The following ZNF625 variants were observed in gnomAD, a reference collection of about 807,000 sequenced individuals.
The protein encoded by ZNF625 is zinc finger protein 625.
In ZNF625, 8 loss-of-function variants were observed where a neutral mutation model predicts 11.1. The ratio of observed to expected loss-of-function variants is 0.72; its 90% CI spans 0.42 to 1.30. The LOEUF (loss-of-function observed/expected upper bound fraction) is 1.30. Among genes scored for constraint, ZNF625 ranks in the 50% most tolerant of loss-of-function variants. ZNF625 has a pLI of 0.01. For synonymous variants in ZNF625, 145 were observed against 153.4 expected (o/e 0.95, Z 0.41); for missense variants, 349 against 447.6 (o/e 0.78, Z 1.99).
chr19:12,146,271 T>C, intron 3 of ZNF625, 47 bp from the exon 4 acceptor site: 1 of 1,521,922 alleles, frequency 6.6e-7, no homozygotes, highest in Non-Finnish European at 9.0e-7. Context: ...TTATCACTGA[T>C]TTGATATTCA....
Position 12,145,118 on chromosome 19 carries a change from C to A in ZNF625, c.*179G>T, listed in dbSNP as rs1282647882. On this transcript the variant is annotated 3_prime_UTR_variant, in exon 4 of 4. Transcript: ENST00000439556. ...CTGTGTCCTAGGTATCTGAGTGAGG[C>A]CCCAGCTAAACTACTCCCAAAAATT... is the stretch of plus-strand genomic sequence containing the variant. The A allele has an allele frequency of 3.0e-6, 2 of 672,714 alleles. No homozygotes were observed. The highest frequency in any genetic ancestry group is 2.5e-5 in the East Asian group (1 of 39,814). The allele number at this position is 672,714 out of a possible 1,614,324, so 41.7% of individuals were successfully genotyped here.
In ZNF625 at chr19:12,145,675, A is replaced by G. The variant is rs1274314803; in HGVS notation, c.741T>C (p.Tyr247=). ...HERTHTGEKP[Y]ECSECGKAFH... ...ATGCTTTCCCACACTCACTGCATTC[A>G]TAAGGCTTCTCTCCAGTGTGAGTTC... The change falls in exon 4 of 4, where the codon TAT becomes TAC. Residue 247 remains tyrosine, a synonymous_variant. Coordinates refer to ENST00000439556, the MANE Select transcript of ZNF625 (RefSeq NM_145233.4). 2.5e-6 allele frequency: 4 copies of G among 1,614,194 alleles called. No individual in the cohort carries two copies. Among genetic ancestry groups the G allele is most frequent in the Admixed American group, 1.7e-5 (1 of 60,016 alleles).
rs1977024244 is a variant in ZNF625 at position 12,156,239 on chromosome 19, T to A, written c.3+317A>T. Among the ~76,000 whole-genome samples, 3 of 152,164 alleles carry A rather than the reference T, an allele frequency of 2.0e-5. No individual in the cohort carries two copies. The South Asian group carries it at 6.2e-4, about 32-fold the overall frequency. On this transcript the variant is annotated intron_variant, in intron 1 of 3. Coordinates refer to ENST00000439556, the MANE Select transcript of ZNF625 (RefSeq NM_145233.4). Reference sequence around the variant, plus strand: ...CACACCCGAGGCAGGATTGCCTCCATGACCCTCCCGTGGTCTCCGCACAAT... The same window carrying A: ...CACACCCGAGGCAGGATTGCCTCCAAGACCCTCCCGTGGTCTCCGCACAAT...
rs777375371 is a variant in ZNF625, at chr19:12,146,040, C to T, written c.376G>A (p.Glu126Lys). 3.5e-5 allele frequency: 56 copies of T among 1,614,164 alleles called. No homozygotes were observed. Among genetic ancestry groups the T allele is most frequent in the Non-Finnish European group, 4.6e-5 (54 of 1,180,038 alleles). Residue 126 changes from glutamate (E) to lysine (K), a missense_variant, in exon 4 of 4, where the codon GAG (glutamate) becomes AAG (lysine). Coordinates refer to ENST00000439556, the MANE Select transcript of ZNF625 (RefSeq NM_145233.4). ...GGCTTCTGTCCATATTCCTGATACT[C>T]ATATGGCTTGTGTCCAGTGTCAGCT... ...HRADTGHKPY[E>K]YQEYGQKPYK...
chr19:12,152,389 G>C (rs538289803), intron 1 of ZNF625, among the ~76,000 whole-genome samples: 2 of 152,004 alleles, frequency 1.3e-5, no homozygotes, highest in Non-Finnish European at 2.9e-5. Context: ...TATCATACCC[G>C]TGATGAAGTG....
intron 3 of ZNF625, 33 bp from the exon 4 acceptor site, chr19:12,146,257 TC>T: frequency 2.6e-6 from 4 of 1,563,716 alleles, no homozygotes; most frequent in Non-Finnish European, 3.5e-6. Context: ...CATAATGGGT[TC>T]CTTTATCACT....
chr19:12,146,123 C>A lies in ZNF625; in HGVS notation c.293G>T (p.Arg98Leu), dbSNP rs112669855. The A allele has an allele frequency of 6.2e-7, 1 of 1,613,966 alleles. No individual in the cohort carries two copies. The highest frequency in any genetic ancestry group is 8.5e-7 in the Non-Finnish European group (1 of 1,180,012). Residue 98 changes from arginine (R) to leucine (L), a missense_variant, in exon 4 of 4, where the codon CGA (arginine) becomes CTA (leucine). Coordinates refer to ENST00000439556, the MANE Select transcript of ZNF625 (RefSeq NM_145233.4). The part of the protein sequence containing the change: ...PDDMLKKKTP[R>L]VKSCGEVSVG... ...GCTGACTTCTCCACATGATTTTACT[C>A]GGGGAGTTTTCTTCTTCAGCATGTC...
In ZNF625 at chr19:12,147,735, G is replaced by T; in HGVS notation, c.71C>A (p.Ser24Tyr). 6.2e-7 allele frequency: 1 copy of T among 1,614,082 alleles called. No homozygotes were observed. The highest frequency in any genetic ancestry group is 8.5e-7 in the Non-Finnish European group (1 of 1,180,016). Residue 24 changes from serine to tyrosine, a missense_variant, in exon 2 of 4, where the codon TCC (serine) becomes TAC (tyrosine). Ser to Tyr is a moderately radical substitution (Grantham distance 144, BLOSUM62 -2). Coordinates refer to ENST00000439556, the MANE Select transcript of ZNF625 (RefSeq NM_145233.4). The stretch of plus-strand genomic sequence containing the variant: ...CACATCTCTGTAGAGATTCTTCTGG[G>T]AAGGATCCAGCAAAGCCCACTCCTC... The part of the protein sequence containing the change: ...TQEEWALLDP[S>Y]QKNLYRDVMQ...
At chr19:12,149,945 G>A (rs1438767847) in intron 1 of ZNF625, among the ~76,000 whole-genome samples, 1 of 152,078 alleles carries the variant, frequency 6.6e-6, no homozygotes, top group Non-Finnish European at 1.5e-5. Context: ...CTCCATGTTG[G>A]TCAGGCTAGT....
intron 1 of ZNF625, among the ~76,000 whole-genome samples, chr19:12,149,523 T>C (rs1485794159): frequency 1.3e-5 from 2 of 152,156 alleles, no homozygotes; most frequent in African/African-American, 4.8e-5. Context: ...TAAAGTTATG[T>C]AGAGTTGTCT....
At chr19:12,147,115 C>T (rs944695708) in intron 3 of ZNF625, among the ~76,000 whole-genome samples, 1 of 151,796 alleles carries the variant, frequency 6.6e-6, no homozygotes. Flanking sequence ...TACAGGTGCC[C>T]GCCATCACGC....
Position 12,155,461 on chromosome 19 carries a change from C to A in ZNF625, c.3+1095G>T, listed in dbSNP as rs149925456. ...GACACAACTTCACACTCTCAGCCAA[C>A]TGCCAACTACAGAATCCCTCAACCA... On this transcript the variant is annotated intron_variant, in intron 1 of 3. Coordinates refer to ENST00000439556, the MANE Select transcript of ZNF625 (RefSeq NM_145233.4). Among the ~76,000 whole-genome samples the A allele has an allele frequency of 2.6e-3, 389 of 152,308 alleles. 5 individuals carry two copies. Among genetic ancestry groups the A allele is most frequent in the South Asian group, 6.0e-3 (29 of 4,834 alleles).
At chr19:12,147,586 C>G in intron 2 of ZNF625, 90 bp downstream of exon 2, 1 of 1,592,288 alleles carries the variant, frequency 6.3e-7, no homozygotes, top group Non-Finnish European at 8.6e-7. Context: ...TCACTATTCC[C>G]TGTCCACACT....
chr19:12,147,296 G>A (rs369167451), intron 3 of ZNF625, 99 bp downstream of exon 3: 2 of 1,127,032 alleles, frequency 1.8e-6, no homozygotes, highest in South Asian at 1.4e-5. Flanking sequence ...AATAAATACA[G>A]TGGAACTTGG....
intron 1 of ZNF625, among the ~76,000 whole-genome samples, chr19:12,149,976 T>G (rs1420368124): frequency 5.3e-5 from 8 of 152,124 alleles, no homozygotes; most frequent in African/African-American, 1.9e-4. Flanking sequence ...TGACATCAGG[T>G]GATTTGCTCA....
chr19:12,152,089 A>T (rs1321295266), intron 1 of ZNF625, among the ~76,000 whole-genome samples: 1 of 152,172 alleles, frequency 6.6e-6, no homozygotes, highest in Non-Finnish European at 1.5e-5. Context: ...AAAAGTATAT[A>T]AATTTACACT....
In ZNF625 at chr19:12,156,642, G is replaced by C; in HGVS notation, c.-84C>G. The stretch of plus-strand genomic sequence containing the variant: ...CAGTGCGGGCGATGGAGCGACAGAA[G>C]CTATGGCGGAGGCACCTGGTCCCTC... On this transcript the variant is annotated 5_prime_UTR_variant, in exon 1 of 4. Transcript: ENST00000439556. 2 of 1,223,262 alleles carry C rather than the reference G, an allele frequency of 1.6e-6. No homozygotes were observed. Among genetic ancestry groups the C allele is most frequent in the Non-Finnish European group, 2.1e-6 (2 of 972,492 alleles). The allele number at this position is 1,223,262 out of a possible 1,614,324, so 75.8% of individuals were successfully genotyped here.
At position 12,147,675 on chromosome 19, in the gene ZNF625, C is replaced by T. The variant is rs2145609670; in HGVS notation, c.130+1G>A. ...GAGGAAAGTAATATTGTTACCCTTA[C>T]CTACAGAAGCCAGGTTCCTGAAGGT... is the stretch of plus-strand genomic sequence containing the variant. On this transcript the variant is annotated splice_donor_variant, in intron 2 of 3. Coordinates refer to ENST00000439556, the MANE Select transcript of ZNF625 (RefSeq NM_145233.4). LOFTEE classifies it high-confidence loss of function. 6.2e-7 allele frequency: 1 copy of T among 1,613,836 alleles called. No individual in the cohort carries two copies.
In ZNF625 at chr19:12,152,391, G is replaced by A. The variant is rs1301690725; in HGVS notation, c.3+4165C>T. Among the ~76,000 whole-genome samples, 3 of 152,250 alleles carry A rather than the reference G, an allele frequency of 2.0e-5. No individual in the cohort carries two copies. In the East Asian group the frequency reaches 5.8e-4, roughly 29 times the overall value. ...AATCCTATAACAATATCATACCCGTGATGAAGTGGCATTCAATTCAGGAAA... is the reference window on the plus strand; with the variant it reads ...AATCCTATAACAATATCATACCCGTAATGAAGTGGCATTCAATTCAGGAAA... On this transcript the variant is annotated intron_variant, in intron 1 of 3. Coordinates refer to ENST00000439556, the MANE Select transcript of ZNF625 (RefSeq NM_145233.4).
Sources: allele counts gnomAD v4.1 joint callset (sites outside exome capture counted in the v4.1 genomes callset), GRCh38; gene constraint gnomAD v4.1.1; transcripts MANE v1.5; gene names NCBI Gene and HGNC (gene_info 2026-07-23, HGNC 2026-07-21).